Variants in RNF213 observed in about 807,000 individuals in gnomAD.
RNF213 encodes ring finger protein 213, also known as E3 ubiquitin-protein ligase RNF213.
In RNF213, 341 loss-of-function variants were observed where a neutral mutation model predicts 514.4. The ratio of observed to expected loss-of-function variants is 0.66; its 90% CI spans 0.61 to 0.73. RNF213 has a LOEUF of 0.73. Ranked by LOEUF, RNF213 falls within the 30% of genes least tolerant of loss-of-function variation. RNF213 has a pLI of 0.00. For synonymous variants in RNF213, 2,655 were observed against 2,658.2 expected, an observed-to-expected ratio of 1.00 and a Z score of 0.04; for missense variants, 5,767 against 6,615.6, an observed-to-expected ratio of 0.87 and a Z score of 4.45.
intron 51 of RNF213, 119 bp from the exon 52 acceptor site, chr17:80,376,179 ATGG>A (rs1568155912): frequency 4.2e-6 from 5 of 1,203,864 alleles, no homozygotes; most frequent in Middle Eastern, 1.9e-4. Context: ...TCCCCCTCAA[ATGG>A]TGGTGATTTC....
intron 3 of RNF213, among the ~76,000 whole-genome samples, chr17:80,279,349 GA>G (rs1293281010): frequency 6.6e-6 from 1 of 152,220 alleles, no homozygotes; most frequent in South Asian, 2.1e-4. Context: ...GCCTCTGCCT[GA>G]ACACAAGGTC....
intron 21 of RNF213, among the ~76,000 whole-genome samples, chr17:80,333,210 G>A (rs1308259277): frequency 9.8e-5 from 13 of 132,508 alleles, no homozygotes; most frequent in African/African-American, 1.4e-4. Context: ...AACCACGCCC[G>A]GCTAATTTTT....
In RNF213 at chr17:80,353,777, GT is replaced by G; in HGVS notation, c.10578+112del. The G allele has an allele frequency of 6.9e-7, 1 of 1,455,458 alleles. No homozygotes were observed. The highest frequency in any genetic ancestry group is 9.6e-7 in the Non-Finnish European group (1 of 1,040,758). 90.2% of individuals were successfully genotyped at this position (1,455,458 alleles called of 1,614,324 possible). The stretch of plus-strand genomic sequence containing the variant: ...GAGGAGTCGCCGCCGCTGTGCAGGG[GT>G]GAGGATGGCGCCCCACTTTCCTCAC... On this transcript the variant is annotated intron_variant, in intron 34 of 67. Transcript: ENST00000582970. This position sits in a 1 kb window ranked among gnomAD's most constrained non-coding sequence, Gnocchi z 5.0.
At chr17:80,293,388 G>A (rs1404999005) in intron 8 of RNF213, among the ~76,000 whole-genome samples, 3 of 152,184 alleles carry the variant, frequency 2.0e-5, no homozygotes, top group Non-Finnish European at 4.4e-5. Flanking sequence ...GCTAGAGAGT[G>A]TACTCTGAGA....
intron 13 of RNF213, among the ~76,000 whole-genome samples, chr17:80,308,337 C>T (rs74996847): frequency 3.0e-4 from 45 of 152,132 alleles, no homozygotes; most frequent in African/African-American, 1.1e-3. Context: ...TTTCTTACAC[C>T]GCCTTCCCAG....
intron 3 of RNF213, among the ~76,000 whole-genome samples, chr17:80,275,040 T>G (rs1598896430): frequency 3.8e-5 from 3 of 78,986 alleles, no homozygotes; most frequent in Admixed American, 1.8e-4. Flanking sequence ...GTGTGTGTGT[T>G]GGGGGTGTGT....
In RNF213 at chr17:80,371,864, C is replaced by A; in HGVS notation, c.12426-10C>A. 1 of 1,325,462 alleles carries A rather than the reference C, an allele frequency of 7.5e-7. No homozygotes were observed. The highest frequency in any genetic ancestry group is 1.1e-6 in the Non-Finnish European group (1 of 918,034). The allele number at this position is 1,325,462 out of a possible 1,614,324, so 82.1% of individuals were successfully genotyped here. On this transcript the variant is annotated splice_polypyrimidine_tract_variant and intron_variant, in intron 46 of 67. Coordinates refer to ENST00000582970, the MANE Select transcript of RNF213 (RefSeq NM_001256071.3). The stretch of plus-strand genomic sequence containing the variant: ...TGAGAGAACCAGGAATAATATTTCT[C>A]TTTCTGCAGCTTTCATGATGTAAAA...
Position 80,377,101 on chromosome 17 carries a change from C to A in RNF213, c.13510+138C>A. The A allele has an allele frequency of 1.4e-6, 1 of 696,922 alleles. No homozygotes were observed. The highest frequency in any genetic ancestry group is 2.6e-6 in the Non-Finnish European group (1 of 384,744). The allele number at this position is 696,922 out of a possible 1,614,324, so 43.2% of individuals were successfully genotyped here. A position where few individuals can be genotyped will look rare whatever the true frequency, so the allele number is the denominator to read the frequency against. ...AAAACCACCTGCATTCTACCGGTGG[C>A]GTCTGCAGAAGACGAATGGCTTGAA... is the stretch of plus-strand genomic sequence containing the variant. On this transcript the variant is annotated intron_variant, in intron 53 of 67. Coordinates refer to ENST00000582970, the MANE Select transcript of RNF213 (RefSeq NM_001256071.3). This position sits in a 1 kb window ranked among gnomAD's most constrained non-coding sequence, Gnocchi z 4.1.
In RNF213 at chr17:80,317,166, G is replaced by A. The variant is rs928775689; in HGVS notation, c.2812-22G>A. 6.2e-7 allele frequency: 1 copy of A among 1,607,814 alleles called. No homozygotes were observed. The highest frequency in any genetic ancestry group is 1.3e-5 in the African/African-American group (1 of 74,908). On this transcript the variant is annotated intron_variant, in intron 15 of 67. Transcript: ENST00000582970. The surrounding 1 kb of genome is among the most constrained non-coding windows in gnomAD (Gnocchi z 4.1). Reference sequence around the variant, plus strand: ...GGCATTTAGTCGTGAGAGTGGGTGTGACCTGTGTGCGGGTTTTGCAGGTCT... The same window carrying A: ...GGCATTTAGTCGTGAGAGTGGGTGTAACCTGTGTGCGGGTTTTGCAGGTCT...
At chr17:80,371,309 G>A (rs1464970033) in intron 46 of RNF213, among the ~76,000 whole-genome samples, 1 of 152,184 alleles carries the variant, frequency 6.6e-6, no homozygotes, top group Non-Finnish European at 1.5e-5. Flanking sequence ...CTATTAAAAT[G>A]TTCCTCGCTA....
chr17:80,305,075 A>C (rs562810673), intron 11 of RNF213, among the ~76,000 whole-genome samples: 2 of 151,848 alleles, frequency 1.3e-5, no homozygotes, highest in East Asian at 3.9e-4. Context: ...GAATCTTGCT[A>C]TGTTGCCCAG....
In RNF213 at chr17:80,263,534, C is replaced by T. The variant is rs1373851221; in HGVS notation, c.-108-40C>T. 4.2e-6 allele frequency: 3 copies of T among 721,922 alleles called. No individual in the cohort carries two copies. The Admixed American group carries it at 6.1e-5, about 15-fold the overall frequency. The allele number at this position is 721,922 out of a possible 1,614,324, so 44.7% of individuals were successfully genotyped here. On this transcript the variant is annotated intron_variant, in intron 1 of 67. Coordinates refer to ENST00000582970, the MANE Select transcript of RNF213 (RefSeq NM_001256071.3). The surrounding 1 kb of genome is among the most constrained non-coding windows in gnomAD (Gnocchi z 4.9). Reference sequence around the variant, plus strand: ...TGTGCTCCTGTTGGGTTTCCATTAACCAGGGGACCAGCTGGGCTGCTGTGA... The same window carrying T: ...TGTGCTCCTGTTGGGTTTCCATTAATCAGGGGACCAGCTGGGCTGCTGTGA...
At position 80,340,042 on chromosome 17, in the gene RNF213, A is replaced by G. The variant is rs1318502511; in HGVS notation, c.5675A>G (p.Tyr1892Cys). ...LTLGSLGHKVYSLLFADQLSY... is the reference protein window; with the variant it reads ...LTLGSLGHKVCSLLFADQLSY... ...CTGGGCTCCCTGGGGCACAAGGTCTACAGCCTGCTGTTCGCAGATCAGCTG... is the reference window on the plus strand; with the variant it reads ...CTGGGCTCCCTGGGGCACAAGGTCTGCAGCCTGCTGTTCGCAGATCAGCTG... The change falls in exon 26 of 68, where the codon TAC becomes TGC. Residue 1892 changes from tyrosine (Y) to cysteine (C), a missense_variant. Coordinates refer to ENST00000582970, the MANE Select transcript of RNF213 (RefSeq NM_001256071.3). 6.4e-7 allele frequency: 1 copy of G among 1,554,364 alleles called. No homozygotes were observed. The highest frequency in any genetic ancestry group is 1.4e-5 in the African/African-American group (1 of 73,440).
Position 80,390,190 on chromosome 17 carries a change from A to T in RNF213, c.15464A>T (p.Gln5155Leu). ...CAAACCGAGGAGCGCTTCCGCCCTC[A>T]GTGGAGGTATGGATTTGCACACCTA... ...QTQTEERFRP[Q>L]WSLRDTLVSY... The change falls in exon 67 of 68, where the codon CAG becomes CTG. Residue 5155 changes from glutamine (Q) to leucine (L), a missense_variant. Gln to Leu is a moderately radical substitution (Grantham distance 113). Transcript: ENST00000582970. 6.2e-7 allele frequency: 1 copy of T among 1,614,056 alleles called. No individual in the cohort carries two copies. The highest frequency in any genetic ancestry group is 8.5e-7 in the Non-Finnish European group (1 of 1,180,004).
rs1197698346 is a variant in RNF213, at chr17:80,372,615, C to T, written c.12632C>T (p.Ala4211Val). 24 of 1,614,038 alleles carry T rather than the reference C, an allele frequency of 1.5e-5. No individual in the cohort carries two copies. The highest frequency in any genetic ancestry group is 2.0e-5 in the Non-Finnish European group (24 of 1,180,002). Residue 4211 changes from alanine to valine, a missense_variant, in exon 48 of 68, where the codon GCA becomes GTA. Around this residue, in one of 13 missense-constraint regions of RNF213, gnomAD observed 1,245 missense variants for 1,339.0 expected, o/e 0.93. Coordinates refer to ENST00000582970, the MANE Select transcript of RNF213 (RefSeq NM_001256071.3). The part of the protein sequence containing the change: ...EGRFLKAYSP[A>V]SRGREPANEA... ...CGTTTCCTTAAGGCATATTCTCCAGCAAGCCGGGGCCGAGAGCCTGCCAAC... is the reference window on the plus strand; with the variant it reads ...CGTTTCCTTAAGGCATATTCTCCAGTAAGCCGGGGCCGAGAGCCTGCCAAC...
rs759311073 is a variant in RNF213 at position 80,373,185 on chromosome 17, A to G, written c.12942+20A>G. ...CAGCAGGTGAGAAGCGGGGCCGGGC[A>G]GCACACAAACATGCACCCCCACAGC... is the stretch of plus-strand genomic sequence containing the variant. On this transcript the variant is annotated intron_variant, in intron 49 of 67. Transcript: ENST00000582970. The G allele has an allele frequency of 1.2e-6, 2 of 1,601,002 alleles. No homozygotes were observed. Among genetic ancestry groups the G allele is most frequent in the East Asian group, 4.5e-5 (2 of 44,836 alleles).
chr17:80,358,660 C>T (rs1309066770), intron 37 of RNF213, among the ~76,000 whole-genome samples, 181 bp downstream of exon 37: 3 of 152,190 alleles, frequency 2.0e-5, no homozygotes, highest in African/African-American at 7.2e-5. Context: ...CCTGTAATCC[C>T]AGCACTTTGG....
chr17:80,342,226 C>T (rs961443848), intron 26 of RNF213, among the ~76,000 whole-genome samples: 14 of 152,174 alleles, frequency 9.2e-5, no homozygotes, highest in Admixed American at 3.3e-4. Context: ...GGTGTGTGGT[C>T]GGCTCTACCA....
At chr17:80,267,591 C>T (rs1280109599) in intron 2 of RNF213, among the ~76,000 whole-genome samples, 1 of 152,186 alleles carries the variant, frequency 6.6e-6, no homozygotes, top group Admixed American at 6.5e-5. Context: ...ACAGTAAAGC[C>T]CTAACTCTCC....
Sources: allele counts gnomAD v4.1 joint callset (sites outside exome capture counted in the v4.1 genomes callset), GRCh38; gene constraint gnomAD v4.1.1; regional missense constraint gnomAD v4.1.1; non-coding constraint Gnocchi (gnomAD v3.1); transcripts MANE v1.5; gene names NCBI Gene and HGNC (gene_info 2026-07-23, HGNC 2026-07-21).